Variants in CPAMD8 observed in about 807,000 individuals in gnomAD.
CPAMD8 encodes C3 and PZP like alpha-2-macroglobulin domain containing 8.
A neutral mutation model predicts 224.7 loss-of-function variants in CPAMD8; 146 were observed. That is an observed-to-expected ratio of 0.65 (90% CI 0.57 to 0.75). The LOEUF is 0.75. Ranked by LOEUF, CPAMD8 falls within the 30% of genes least tolerant of loss-of-function variation. The pLI, the probability that CPAMD8 is intolerant of heterozygous loss-of-function variation, is 0.00. For synonymous variants in CPAMD8, 966 were observed against 1,044.6 expected, an observed-to-expected ratio of 0.92 and a Z score of 1.45; for missense variants, 2,301 against 2,537.5, an observed-to-expected ratio of 0.91 and a Z score of 2.00.
At position 16,988,564 on chromosome 19, in the gene CPAMD8, C is replaced by G. The variant is rs904153519; in HGVS notation, c.1395+1079G>C. Among the ~76,000 whole-genome samples, 8 of 151,868 alleles carry G rather than the reference C, an allele frequency of 5.3e-5. 1 individual carries two copies. Among genetic ancestry groups the G allele is most frequent in the Admixed American group, 5.3e-4 (8 of 15,238 alleles). On this transcript the variant is annotated intron_variant, in intron 13 of 41. Transcript: ENST00000443236. The stretch of plus-strand genomic sequence containing the variant: ...GACGGAAGTTGCAGTGAGCTGAGAT[C>G]GTGCCACTGCACTCCAGCCTGGCTG...
At chr19:17,015,605 C>A (rs1453567189) in intron 3 of CPAMD8, among the ~76,000 whole-genome samples, 1 of 152,180 alleles carries the variant, frequency 6.6e-6, no homozygotes, top group Admixed American at 6.5e-5. Flanking sequence ...TCTCTTCTGA[C>A]TGCAGTTTCC....
intron 20 of CPAMD8, among the ~76,000 whole-genome samples, chr19:16,947,740 C>T (rs1198104447): frequency 1.3e-5 from 2 of 151,826 alleles, no homozygotes; most frequent in Non-Finnish European, 2.9e-5. Flanking sequence ...CACTTGTGTG[C>T]ATGGATGCAA....
chr19:16,903,995 T>G, intron 32 of CPAMD8, 138 bp from the exon 33 acceptor site: 1 of 954,762 alleles, frequency 1.0e-6, no homozygotes, highest in Middle Eastern at 3.1e-4. Flanking sequence ...CAGACACCCA[T>G]GGCACTGGGG....
intron 22 of CPAMD8, among the ~76,000 whole-genome samples, chr19:16,940,358 G>T (rs2053847445): frequency 6.6e-6 from 1 of 152,156 alleles, no homozygotes; most frequent in South Asian, 2.1e-4. Flanking sequence ...TATGTAGGGG[G>T]TGCGGATTTC....
intron 21 of CPAMD8, among the ~76,000 whole-genome samples, chr19:16,946,027 TTGTGTGTATATGCA>T (rs2122246808): frequency 6.6e-6 from 1 of 152,072 alleles, no homozygotes; most frequent in African/African-American, 2.4e-5. Flanking sequence ...GTACGTGTGT[TTGTGTGTATATGCA>T]TGTGTGTGCA....
intron 22 of CPAMD8, among the ~76,000 whole-genome samples, chr19:16,941,664 T>G (rs1568502989): frequency 1.3e-5 from 2 of 152,130 alleles, no homozygotes; most frequent in East Asian, 1.9e-4. Context: ...TGAGTTCTCA[T>G]GAGATCTGGT....
At chr19:16,961,444 T>G (rs2054653176) in intron 18 of CPAMD8, among the ~76,000 whole-genome samples, 1 of 152,230 alleles carries the variant, frequency 6.6e-6, no homozygotes, top group African/African-American at 2.4e-5. Flanking sequence ...AACTGCGACG[T>G]GGCAGCCTGG....
chr19:17,010,561 T>A (rs1277730514), intron 5 of CPAMD8, among the ~76,000 whole-genome samples: 1 of 152,112 alleles, frequency 6.6e-6, no homozygotes, highest in African/African-American at 2.4e-5. Flanking sequence ...AATGTGATGA[T>A]CCTCCTTGAG....
chr19:16,920,250 C>T (rs559672852), intron 27 of CPAMD8, among the ~76,000 whole-genome samples: 13 of 152,062 alleles, frequency 8.5e-5, no homozygotes, highest in South Asian at 8.3e-4. Flanking sequence ...GAGGCCGAGG[C>T]GGGCGGATCA....
chr19:16,938,415 C>T lies in CPAMD8; in HGVS notation c.2825G>A (p.Ser942Asn), dbSNP rs1434860202. Residue 942 changes from serine (S) to asparagine (N), a missense_variant, in exon 23 of 42, where the codon AGC becomes AAC. By Grantham distance (46) the Ser-to-Asn change is conservative. Around this residue, in one of 4 missense-constraint regions of CPAMD8, gnomAD observed 1,709 missense variants for 1,753.2 expected, o/e 0.97. Transcript: ENST00000443236. ...CTCACCACTGGGACAGAAGAATGCG[C>T]TGTAGGTGTACGCCCGGGGGACTCC... is the stretch of plus-strand genomic sequence containing the variant. ...AEGVPRAYTY[S>N]AFFCPSERVH... 2 of 1,574,816 alleles carry T rather than the reference C, an allele frequency of 1.3e-6. No individual in the cohort carries two copies. Among genetic ancestry groups the T allele is most frequent in the South Asian group, 1.2e-5 (1 of 85,630 alleles).
chr19:16,917,235 AACAC>A (rs2052996123), intron 27 of CPAMD8, among the ~76,000 whole-genome samples: 2 of 151,758 alleles, frequency 1.3e-5, no homozygotes, highest in Non-Finnish European at 2.9e-5. Context: ...TTCATAAACA[AACAC>A]ACAAATAAAT....
intron 29 of CPAMD8, among the ~76,000 whole-genome samples, chr19:16,909,569 A>C (rs551404716): frequency 1.1e-4 from 17 of 151,490 alleles, no homozygotes; most frequent in African/African-American, 3.1e-4. Context: ...ACAAACAAAC[A>C]AACCCATCTC....
intron 29 of CPAMD8, among the ~76,000 whole-genome samples, chr19:16,913,275 A>G (rs1396545283): frequency 6.6e-6 from 1 of 152,142 alleles, no homozygotes; most frequent in African/African-American, 2.4e-5. Context: ...CTCAGAATCC[A>G]TATGTTGAAG....
At chr19:16,947,862 C>T (rs1449782310) in intron 20 of CPAMD8, among the ~76,000 whole-genome samples, 1 of 152,162 alleles carries the variant, frequency 6.6e-6, no homozygotes, top group Non-Finnish European at 1.5e-5. Flanking sequence ...CTAGTTTCTG[C>T]ATGCATGTGT....
Position 16,896,681 on chromosome 19 carries a change from G to A in CPAMD8, c.5066-16C>T. The A allele has an allele frequency of 7.0e-7, 1 of 1,421,106 alleles. No individual in the cohort carries two copies. Among genetic ancestry groups the A allele is most frequent in the Non-Finnish European group, 9.2e-7 (1 of 1,086,284 alleles). 88.0% of individuals were successfully genotyped at this position (1,421,106 alleles called of 1,614,324 possible). ...GGGAACCAGCCTGGGGGACGAGGCA[G>A]GCTCGACAGACCCCCCACCCTGAAC... On this transcript the variant is annotated splice_polypyrimidine_tract_variant and intron_variant, in intron 39 of 41. Coordinates refer to ENST00000443236, the MANE Select transcript of CPAMD8 (RefSeq NM_015692.5).
At chr19:16,907,281 C>T (rs117642995) in intron 29 of CPAMD8, among the ~76,000 whole-genome samples, 164 bp from the exon 30 acceptor site, 1 of 150,226 alleles carries the variant, frequency 6.7e-6, no homozygotes, top group Admixed American at 6.7e-5. Flanking sequence ...ATTTTCAAAC[C>T]CCATCTCCTT....
Position 16,897,907 on chromosome 19 carries a change from A to C in CPAMD8, c.4936T>G (p.Tyr1646Asp). The C allele has an allele frequency of 1.2e-6, 2 of 1,610,852 alleles. No individual in the cohort carries two copies. Among genetic ancestry groups the C allele is most frequent in the Non-Finnish European group, 1.7e-6 (2 of 1,179,204 alleles). Residue 1646 changes from tyrosine to aspartate, a missense_variant, in exon 38 of 42, where the codon TAC becomes GAC. Tyr to Asp is a radical substitution (Grantham distance 160). Around this residue, in one of 4 missense-constraint regions of CPAMD8, gnomAD observed 1,709 missense variants for 1,753.2 expected, o/e 0.97. Transcript: ENST00000443236. ...GGCCTACCGGGTTCGTAGTAGTCGT[A>C]CACGGAGACTGGCAGCGCCGACGTC... ...GRTSALPVSV[Y>D]DYYEPAFEAT...
At chr19:16,977,291 C>T (rs944399703) in intron 15 of CPAMD8, 77 bp downstream of exon 15, 3 of 917,570 alleles carry the variant, frequency 3.3e-6, no homozygotes, top group Non-Finnish European at 3.5e-6. Flanking sequence ...CAGGTGTGCA[C>T]AGACCCCCTG....
At chr19:16,945,822 TGC>T in intron 21 of CPAMD8, 143 bp from the exon 22 acceptor site, 1 of 765,170 alleles carries the variant, frequency 1.3e-6, no homozygotes, top group Non-Finnish European at 2.2e-6. Context: ...GATGTGTGCA[TGC>T]ATGCAAGTGT....
Sources: gnomAD v4.1 joint callset for allele counts (sites outside exome capture counted in the v4.1 genomes callset) on GRCh38, gnomAD v4.1.1 for gene constraint, gnomAD v4.1.1 regional missense constraint, MANE v1.5 for transcripts, NCBI Gene and HGNC (gene_info 2026-07-23, HGNC 2026-07-21) for gene names.